The following JAKMIP1 variants were observed in gnomAD, a reference collection of about 807,000 sequenced individuals.
JAKMIP1 encodes the protein janus kinase and microtubule interacting protein 1.
A neutral mutation model predicts 113.0 loss-of-function variants in JAKMIP1; 33 were observed. That is an observed-to-expected ratio of 0.29 (90% CI 0.22 to 0.39). The LOEUF (loss-of-function observed/expected upper bound fraction) is 0.39, where lower values mean the gene tolerates loss of function less well. Ranked by LOEUF, JAKMIP1 falls within the 10% of genes least tolerant of loss-of-function variation. The probability of loss-of-function intolerance (pLI) is 1.00; values close to 1 mark genes in which losing one functional copy is unlikely to be tolerated. For missense variants in JAKMIP1, 813 were observed against 1,080.5 expected (o/e 0.75, Z 3.47); for synonymous variants, 480 against 459.9 (o/e 1.04, Z -0.56).
In JAKMIP1 at chr4:6,050,824, G is replaced by A. The variant is rs1012259735; in HGVS notation, c.1807-145C>T. ...ACGAGTTCGGACTAGAAGCAGCCTC[G>A]TCCGTGAGCTACGACGTTTTCACGC... On this transcript the variant is annotated intron_variant, in intron 13 of 20. Transcript: ENST00000409021. This position sits in a 1 kb window ranked among gnomAD's most constrained non-coding sequence, Gnocchi z 7.4. 15 of 643,256 alleles carry A rather than the reference G, an allele frequency of 2.3e-5. No individual in the cohort carries two copies. The highest frequency in any genetic ancestry group is 3.3e-5 in the Non-Finnish European group (12 of 361,652). The allele number at this position is 643,256 out of a possible 1,614,324, so 39.8% of individuals were successfully genotyped here.
In JAKMIP1 at chr4:6,162,957, A is replaced by G. The variant is rs1195864455; in HGVS notation, c.-148+37296T>C. ...CATCATGACCATGTGAGGCCACAGC[A>G]TCAGACACGGGAAGATGCTGGGAAC... On this transcript the variant is annotated intron_variant, in intron 1 of 20. Coordinates refer to ENST00000409021, the MANE Select transcript of JAKMIP1 (RefSeq NM_001099433.2). This position sits in a 1 kb window ranked among gnomAD's most constrained non-coding sequence, Gnocchi z 5.6. Among the ~76,000 whole-genome samples the G allele has an allele frequency of 6.6e-6, 1 of 152,254 alleles. No homozygotes were observed. Among genetic ancestry groups the G allele is most frequent in the East Asian group, 1.9e-4 (1 of 5,194 alleles).
intron 1 of JAKMIP1, among the ~76,000 whole-genome samples, chr4:6,190,246 C>T (rs185088922): frequency 1.9e-4 from 29 of 152,274 alleles, no homozygotes; most frequent in African/African-American, 5.5e-4. Flanking sequence ...CATGACGTTA[C>T]AGGCTGCATA....
rs1454294157 is a variant in JAKMIP1 at position 6,157,446 on chromosome 4, T to C, written c.-148+42807A>G. 1.3e-5 allele frequency among the ~76,000 whole-genome samples: 2 copies of C among 152,218 alleles called. No individual in the cohort carries two copies. The highest frequency in any genetic ancestry group is 2.4e-5 in the African/African-American group (1 of 41,456). On this transcript the variant is annotated intron_variant, in intron 1 of 20. Transcript: ENST00000409021. This position sits in a 1 kb window ranked among gnomAD's most constrained non-coding sequence, Gnocchi z 4.7. ...GGTAATTCAGGTAATTTGTGATATTTAGGAAGCTACAAATTATAGATATAA... is the reference window on the plus strand; with the variant it reads ...GGTAATTCAGGTAATTTGTGATATTCAGGAAGCTACAAATTATAGATATAA...
intron 1 of JAKMIP1, among the ~76,000 whole-genome samples, chr4:6,172,135 A>G (rs1461996660): frequency 6.6e-6 from 1 of 152,076 alleles, no homozygotes; most frequent in Non-Finnish European, 1.5e-5. Context: ...CAATGCTTCT[A>G]ATGTCTAGGA....
chr4:6,156,040 A>T lies in JAKMIP1; in HGVS notation c.-147-43043T>A. 6.6e-6 allele frequency among the ~76,000 whole-genome samples: 1 copy of T among 152,260 alleles called. No individual in the cohort carries two copies. Among genetic ancestry groups the T allele is most frequent in the East Asian group, 1.9e-4 (1 of 5,194 alleles). On this transcript the variant is annotated intron_variant, in intron 1 of 20. Transcript: ENST00000409021. This position sits in a 1 kb window ranked among gnomAD's most constrained non-coding sequence, Gnocchi z 5.0. The stretch of plus-strand genomic sequence containing the variant: ...AGAACAGTGCCCAGCACAATAATGG[A>T]TCTTCAAGAAATATTTGGTGATCCA...
rs150751906 is a variant in JAKMIP1 at position 6,098,412 on chromosome 4, A to T, written c.624+7061T>A. ...CACAGCATTGCACTTCAGCCTGAGC[A>T]ACAAGAGTGAAACTTCATCTGAAGG... On this transcript the variant is annotated intron_variant, in intron 3 of 20. Transcript: ENST00000409021. 5.2e-4 allele frequency among the ~76,000 whole-genome samples: 79 copies of T among 151,794 alleles called. No homozygotes were observed. The East Asian group carries it at 0.014, about 27-fold the overall frequency.
At chr4:6,127,345 GA>G (rs1277539573) in intron 1 of JAKMIP1, among the ~76,000 whole-genome samples, 1 of 152,196 alleles carries the variant, frequency 6.6e-6, no homozygotes, top group Admixed American at 6.5e-5. Context: ...CCCACACACG[GA>G]AAACTCACAC....
intron 19 of JAKMIP1, 42 bp downstream of exon 19, chr4:6,035,862 G>A: frequency 5.3e-6 from 8 of 1,501,374 alleles, no homozygotes; most frequent in Non-Finnish European, 6.3e-6. Context: ...AGGACAACAA[G>A]GGTGCCGGGG....
chr4:6,070,407 G>A (rs940623232), intron 8 of JAKMIP1, among the ~76,000 whole-genome samples: 1 of 152,264 alleles, frequency 6.6e-6, no homozygotes, highest in African/African-American at 2.4e-5. Flanking sequence ...AGGGAAGCCA[G>A]CTCCAGGGCA....
chr4:6,048,359 T>C (rs1453255808), intron 16 of JAKMIP1, among the ~76,000 whole-genome samples: 1 of 152,220 alleles, frequency 6.6e-6, no homozygotes, highest in African/African-American at 2.4e-5. Flanking sequence ...AAGACGTAGA[T>C]AGAAATTTAT....
chr4:6,120,900 A>AT (rs11394755), intron 1 of JAKMIP1, among the ~76,000 whole-genome samples: 147,053 of 152,228 alleles, frequency 0.97, 71,234 homozygotes, highest in East Asian at 1. Flanking sequence ...GCACAAAGCA[A>AT]GCTCAAAAAA....
chr4:6,174,831 G>A (rs1279483369), intron 1 of JAKMIP1, among the ~76,000 whole-genome samples: 4 of 149,584 alleles, frequency 2.7e-5, no homozygotes. Flanking sequence ...GGTTCCTTCT[G>A]TCGCCCCAAC....
chr4:6,170,654 C>T (rs1724464228), intron 1 of JAKMIP1, among the ~76,000 whole-genome samples: 1 of 151,316 alleles, frequency 6.6e-6, no homozygotes, highest in East Asian at 2.0e-4. Context: ...ACCATTACCA[C>T]CACCAATCCC....
chr4:6,133,069 T>C (rs571459535), intron 1 of JAKMIP1, among the ~76,000 whole-genome samples: 131 of 152,122 alleles, frequency 8.6e-4, no homozygotes, highest in African/African-American at 3.1e-3. Flanking sequence ...TTCAATCAGA[T>C]AAAAATGTCA....
intron 1 of JAKMIP1, among the ~76,000 whole-genome samples, chr4:6,161,740 T>A (rs77135612): frequency 0.014 from 2,138 of 151,918 alleles, 44 homozygotes; most frequent in African/African-American, 0.049. Flanking sequence ...TCCTGGGGTT[T>A]GAAAAGGTCC....
At chr4:6,052,512 G>GGTGT (rs1715786400) in intron 13 of JAKMIP1, among the ~76,000 whole-genome samples, 1 of 152,000 alleles carries the variant, frequency 6.6e-6, no homozygotes, top group Admixed American at 6.6e-5. Context: ...TGGGTGAGGA[G>GGTGT]GTGTGTGCCT....
chr4:6,109,402 A>G lies in JAKMIP1; in HGVS notation c.129+3320T>C, dbSNP rs62284809. Reference sequence around the variant, plus strand: ...CCCGCCTTGGCCTCCCAAAGTGCTGAGATTACAGGCATGAGCCACTGCGGA... The same window carrying G: ...CCCGCCTTGGCCTCCCAAAGTGCTGGGATTACAGGCATGAGCCACTGCGGA... On this transcript the variant is annotated intron_variant, in intron 2 of 20. Transcript: ENST00000409021. 2.7e-3 allele frequency among the ~76,000 whole-genome samples: 406 copies of G among 151,832 alleles called. 2 individuals carry two copies. Among genetic ancestry groups the G allele is most frequent in the Admixed American group, 4.5e-3 (69 of 15,238 alleles).
At position 6,140,989 on chromosome 4, in the gene JAKMIP1, G is replaced by A. The variant is rs534855176; in HGVS notation, c.-147-27992C>T. 2.2e-4 allele frequency among the ~76,000 whole-genome samples: 34 copies of A among 152,282 alleles called. No homozygotes were observed. The highest frequency in any genetic ancestry group is 1.4e-3 in the East Asian group (7 of 5,184). ...GCCTAAGACCCCAGAGCTGGGTGAC[G>A]GCAGAGCCAGCCCTGTGGGCCAGGC... On this transcript the variant is annotated intron_variant, in intron 1 of 20. Coordinates refer to ENST00000409021, the MANE Select transcript of JAKMIP1 (RefSeq NM_001099433.2). The surrounding 1 kb of genome is among the most constrained non-coding windows in gnomAD (Gnocchi z 9.4).
Position 6,137,987 on chromosome 4 carries a change from G to A in JAKMIP1, c.-147-24990C>T, listed in dbSNP as rs1425763189. ...CAGCTGAGGCTGTAACCAGCTCTGG[G>A]ACAGTGGCTCCCAATGCCCCAGCTC... On this transcript the variant is annotated intron_variant, in intron 1 of 20. Transcript: ENST00000409021. The surrounding 1 kb of genome is among the most constrained non-coding windows in gnomAD (Gnocchi z 4.5). Among the ~76,000 whole-genome samples the A allele has an allele frequency of 3.3e-5, 5 of 152,174 alleles. No homozygotes were observed. Among genetic ancestry groups the A allele is most frequent in the Non-Finnish European group, 5.9e-5 (4 of 68,022 alleles).
Sources: gnomAD v4.1 joint callset for allele counts (sites outside exome capture counted in the v4.1 genomes callset) on GRCh38, gnomAD v4.1.1 for gene constraint, Gnocchi (gnomAD v3.1) non-coding constraint, MANE v1.5 for transcripts, NCBI Gene and HGNC (gene_info 2026-07-23, HGNC 2026-07-21) for gene names.